The following ZBTB16 variants were observed in gnomAD, a reference collection of about 807,000 sequenced individuals.
The protein encoded by ZBTB16 is zinc finger and BTB domain-containing protein 16.
A neutral mutation model predicts 56.8 loss-of-function variants in ZBTB16; 8 were observed. The ratio of observed to expected loss-of-function variants is 0.14; its 90% CI spans 0.08 to 0.25. ZBTB16 has a LOEUF of 0.25. Among genes scored for constraint, ZBTB16 ranks in the 10% least tolerant of loss-of-function variants. The pLI is 1.00. For missense variants in ZBTB16, 625 were observed against 903.0 expected (o/e 0.69, Z 3.95); for synonymous variants, 363 against 368.5 (o/e 0.98, Z 0.17).
Position 114,157,605 on chromosome 11 carries a change from A to G in ZBTB16, c.1366+1171A>G, listed in dbSNP as rs77437675. ...TTAGTACTGTCTTTCCCCTGAGCCC[A>G]TCATGGGTACAGTCGTGGAAGTGCT... On this transcript the variant is annotated intron_variant, in intron 3 of 6. Coordinates refer to ENST00000335953, the MANE Select transcript of ZBTB16 (RefSeq NM_006006.6). 2.2e-4 allele frequency among the ~76,000 whole-genome samples: 34 copies of G among 152,222 alleles called. No homozygotes were observed. In the East Asian group the frequency reaches 6.6e-3, roughly 30 times the overall value.
chr11:114,189,325 A>G (rs1368274421), intron 4 of ZBTB16: 1 of 152,232 alleles, frequency 6.6e-6, no homozygotes, highest in Non-Finnish European at 1.5e-5. Flanking sequence ...CACATGAAAA[A>G]GATGCTCAAC....
chr11:114,188,055 T>C (rs1339795160), intron 4 of ZBTB16: 1 of 157,510 alleles, frequency 6.3e-6, no homozygotes, highest in Non-Finnish European at 1.4e-5. Context: ...ATTAGTTCAT[T>C]ATATATTATA....
chr11:114,235,663 T>TTTCC (rs1944556376), intron 4 of ZBTB16, among the ~76,000 whole-genome samples: 2 of 23,806 alleles, frequency 8.4e-5, no homozygotes, highest in East Asian at 5.0e-3. Flanking sequence ...TCTTTCTTTC[T>TTTCC]TTCTTTCTTT....
At chr11:114,124,074 C>T (rs1028584617) in intron 2 of ZBTB16, among the ~76,000 whole-genome samples, 3 of 110,674 alleles carry the variant, frequency 2.7e-5, no homozygotes, top group Non-Finnish European at 4.2e-5. Context: ...CTCTGCTTTG[C>T]GGAGATGGTC....
intron 4 of ZBTB16, among the ~76,000 whole-genome samples, chr11:114,202,935 A>C (rs1477709503): frequency 6.6e-6 from 1 of 152,176 alleles, no homozygotes; most frequent in African/African-American, 2.4e-5. Flanking sequence ...TAATAACAAG[A>C]ATTTATTTTC....
At chr11:114,189,102 C>T (rs1156831272) in intron 4 of ZBTB16, 2 of 152,230 alleles carry the variant, frequency 1.3e-5, no homozygotes, top group African/African-American at 2.4e-5. Flanking sequence ...TCAAGTCTCT[C>T]AGCCCTGGTA....
intron 2 of ZBTB16, among the ~76,000 whole-genome samples, chr11:114,066,327 G>A (rs937993934): frequency 6.6e-6 from 1 of 151,740 alleles, no homozygotes; most frequent in Non-Finnish European, 1.5e-5. Flanking sequence ...CAGTGGGTGC[G>A]AAAAATAACC....
chr11:114,109,171 C>T (rs1226898487), intron 2 of ZBTB16, among the ~76,000 whole-genome samples: 1 of 152,258 alleles, frequency 6.6e-6, no homozygotes, highest in African/African-American at 2.4e-5. Flanking sequence ...TTCTAGTGGA[C>T]TTCACTTTGG....
chr11:114,105,819 G>A (rs1262210942), intron 2 of ZBTB16, among the ~76,000 whole-genome samples: 1 of 152,160 alleles, frequency 6.6e-6, no homozygotes. Flanking sequence ...GAGACATTTG[G>A]ACAGTAGTTC....
chr11:114,064,616 A>AG lies in ZBTB16; in HGVS notation c.1268+48_1268+49insG, dbSNP rs764982798. ...ACCTGATGTAGGACTTGAGGCCCTC[A>AG]CACCCCTCCTTCACACCCTGGCTGC... On this transcript the variant is annotated intron_variant, in intron 2 of 6. Coordinates refer to ENST00000335953, the MANE Select transcript of ZBTB16 (RefSeq NM_006006.6). The surrounding 1 kb of genome is among the most constrained non-coding windows in gnomAD (Gnocchi z 4.2). 1.2e-6 allele frequency: 2 copies of AG among 1,605,640 alleles called. No individual in the cohort carries two copies. The highest frequency in any genetic ancestry group is 1.7e-6 in the Non-Finnish European group (2 of 1,177,394).
chr11:114,208,824 A>G (rs1462072315), intron 4 of ZBTB16, among the ~76,000 whole-genome samples: 1 of 152,250 alleles, frequency 6.6e-6, no homozygotes, highest in Non-Finnish European at 1.5e-5. Flanking sequence ...GTGATTAAGT[A>G]TTCAGTAATT....
intron 2 of ZBTB16, among the ~76,000 whole-genome samples, chr11:114,065,110 C>A (rs1939062833): frequency 6.6e-6 from 1 of 152,186 alleles, no homozygotes; most frequent in African/African-American, 2.4e-5. Context: ...GAAAGTTAAT[C>A]TCCTTGCTCT....
chr11:114,171,291 G>A (rs1190380344), intron 3 of ZBTB16, among the ~76,000 whole-genome samples: 1 of 152,226 alleles, frequency 6.6e-6, no homozygotes, highest in Non-Finnish European at 1.5e-5. Flanking sequence ...TGACAACCCT[G>A]GGGATCTTTT....
At chr11:114,089,671 AGAT>A (rs1198808451) in intron 2 of ZBTB16, among the ~76,000 whole-genome samples, 1 of 152,228 alleles carries the variant, frequency 6.6e-6, no homozygotes, top group Non-Finnish European at 1.5e-5. Flanking sequence ...GAGGCAAAGA[AGAT>A]GATGACCTAG....
intron 3 of ZBTB16, among the ~76,000 whole-genome samples, chr11:114,158,980 C>T (rs1043866903): frequency 3.9e-5 from 6 of 152,238 alleles, no homozygotes; most frequent in Non-Finnish European, 8.8e-5. Context: ...GAGCCCCTGG[C>T]TCGTATTGTA....
rs150966044 is a variant in ZBTB16, at chr11:114,135,845, G to C, written c.1269-20492G>C. On this transcript the variant is annotated intron_variant, in intron 2 of 6. Coordinates refer to ENST00000335953, the MANE Select transcript of ZBTB16 (RefSeq NM_006006.6). ...CTGTTCTCGGGTGCTCTTGCAACAG[G>C]AAGTGACTTGCAGAAGTCCTTTTTT... Among the ~76,000 whole-genome samples the C allele has an allele frequency of 1.3e-3, 199 of 152,346 alleles. 1 individual carries two copies. The highest frequency in any genetic ancestry group is 4.5e-3 in the African/African-American group (186 of 41,572).
At chr11:114,148,863 G>GGTGTGTGTGTGTGTGTGTGTGTGTGTGT (rs35071911) in intron 2 of ZBTB16, among the ~76,000 whole-genome samples, 1 of 143,954 alleles carries the variant, frequency 6.9e-6, no homozygotes, top group African/African-American at 2.6e-5. Context: ...GTTTTTTACT[G>GGTGTGTGTGTGTGTGTGTGTGTGTGTGT]GTGTGTGTGT....
At chr11:114,142,999 A>AG (rs1214332342) in intron 2 of ZBTB16, among the ~76,000 whole-genome samples, 1 of 152,124 alleles carries the variant, frequency 6.6e-6, no homozygotes, top group East Asian at 1.9e-4. Flanking sequence ...GCTGTGAGGG[A>AG]GGCAGAACAG....
chr11:114,141,998 C>G (rs1941961154), intron 2 of ZBTB16, among the ~76,000 whole-genome samples: 1 of 152,192 alleles, frequency 6.6e-6, no homozygotes, highest in Non-Finnish European at 1.5e-5. Flanking sequence ...TTTCGTGTCT[C>G]TGACATCATT....
Sources: allele counts gnomAD v4.1 joint callset (sites outside exome capture counted in the v4.1 genomes callset), GRCh38; gene constraint gnomAD v4.1.1; non-coding constraint Gnocchi (gnomAD v3.1); transcripts MANE v1.5; gene names NCBI Gene and HGNC (gene_info 2026-07-23, HGNC 2026-07-21).